Variants in EPHB2 observed in about 807,000 individuals in gnomAD.
EPHB2 encodes ephrin type-B receptor 2.
EPHB2 carries 18 observed loss-of-function variants against 96.4 expected under a neutral mutation model. The observed-to-expected ratio is 0.19, with a 90% CI of 0.13 to 0.28. EPHB2 has a LOEUF of 0.28. Ranked by LOEUF, EPHB2 falls within the 10% of genes least tolerant of loss-of-function variation. EPHB2 has a pLI of 1.00. For missense variants in EPHB2, 989 were observed against 1,355.4 expected (o/e 0.73, Z 4.25); for synonymous variants, 506 against 534.1 (o/e 0.95, Z 0.72).
intron 5 of EPHB2, among the ~76,000 whole-genome samples, chr1:22,882,120 G>A (rs895856079): frequency 6.6e-6 from 1 of 152,160 alleles, no homozygotes; most frequent in Non-Finnish European, 1.5e-5. Flanking sequence ...CCCAGGGCTG[G>A]TGAAGTCGTC....
Position 22,790,317 on chromosome 1 carries a change from C to T in EPHB2, c.811+5241C>T, listed in dbSNP as rs530804980. 1.8e-4 allele frequency among the ~76,000 whole-genome samples: 27 copies of T among 152,242 alleles called. No individual in the cohort carries two copies. Among genetic ancestry groups the T allele is most frequent in the Non-Finnish European group, 3.7e-4 (25 of 68,008 alleles). ...GTTCATTTTTTATCGCATGCCTAATCGGGGTCTACACTGGGCATACAGCTG... is the reference window on the plus strand; with the variant it reads ...GTTCATTTTTTATCGCATGCCTAATTGGGGTCTACACTGGGCATACAGCTG... On this transcript the variant is annotated intron_variant, in intron 3 of 15. Transcript: ENST00000374630. The surrounding 1 kb of genome is among the most constrained non-coding windows in gnomAD (Gnocchi z 4.0).
intron 3 of EPHB2, among the ~76,000 whole-genome samples, chr1:22,799,754 G>A (rs1644815845): frequency 6.6e-6 from 1 of 152,164 alleles, no homozygotes; most frequent in South Asian, 2.1e-4. Context: ...CCTGGGTGAG[G>A]CTTAGGGGCC....
At chr1:22,829,761 G>A (rs1208751963) in intron 3 of EPHB2, among the ~76,000 whole-genome samples, 1 of 152,164 alleles carries the variant, frequency 6.6e-6, no homozygotes, top group East Asian at 1.9e-4. Flanking sequence ...TCCTGGAGGT[G>A]AGGCTGGGTC....
In EPHB2 at chr1:22,860,784, C is replaced by T. The variant is rs910403046; in HGVS notation, c.812-2253C>T. On this transcript the variant is annotated intron_variant, in intron 3 of 15. Transcript: ENST00000374630. The surrounding 1 kb of genome is among the most constrained non-coding windows in gnomAD (Gnocchi z 4.6). ...CCCCCATTCTGCAGAGGAGGAAACC[C>T]GTTCAGAGAGGCCGACTGCTCGACC... is the stretch of plus-strand genomic sequence containing the variant. 2.2e-4 allele frequency among the ~76,000 whole-genome samples: 34 copies of T among 152,270 alleles called. No homozygotes were observed. The highest frequency in any genetic ancestry group is 7.2e-4 in the African/African-American group (30 of 41,546).
In EPHB2 at chr1:22,817,037, C is replaced by T. The variant is rs187551418; in HGVS notation, c.811+31961C>T. Among the ~76,000 whole-genome samples the T allele has an allele frequency of 2.4e-3, 368 of 152,358 alleles. 1 individual carries two copies. The highest frequency in any genetic ancestry group is 8.4e-3 in the African/African-American group (351 of 41,590). On this transcript the variant is annotated intron_variant, in intron 3 of 15. Coordinates refer to ENST00000374630, the MANE Select transcript of EPHB2 (RefSeq NM_017449.5). ...CCGCTGGCTGAGGTGTTAAATGCAT[C>T]GTGCCTTCCTGGTAGACAGGAAGAT...
At chr1:22,753,163 A>C (rs924696737) in intron 1 of EPHB2, among the ~76,000 whole-genome samples, 3 of 152,130 alleles carry the variant, frequency 2.0e-5, no homozygotes, top group Admixed American at 6.5e-5. Context: ...GTGGTATGGA[A>C]GAAAGAGTGT....
At chr1:22,792,240 G>A (rs1187469386) in intron 3 of EPHB2, among the ~76,000 whole-genome samples, 1 of 152,104 alleles carries the variant, frequency 6.6e-6, no homozygotes, top group Non-Finnish European at 1.5e-5. Flanking sequence ...GAGGGAGGCC[G>A]CCAGCTGGCA....
intron 1 of EPHB2, among the ~76,000 whole-genome samples, chr1:22,743,864 G>A (rs1368276528): frequency 1.3e-5 from 2 of 152,212 alleles, no homozygotes. Flanking sequence ...AAATGGTAAT[G>A]TCATCTGCTT....
chr1:22,802,448 G>A (rs1644858252), intron 3 of EPHB2, among the ~76,000 whole-genome samples: 6 of 152,110 alleles, frequency 3.9e-5, no homozygotes, highest in Admixed American at 3.9e-4. Context: ...TGAGAGATGT[G>A]TCTAGAGAAT....
At chr1:22,750,286 T>A (rs1644041944) in intron 1 of EPHB2, among the ~76,000 whole-genome samples, 1 of 152,120 alleles carries the variant, frequency 6.6e-6, no homozygotes, top group African/African-American at 2.4e-5. Flanking sequence ...GTAGAAGGAT[T>A]TTCAGCAGGC....
chr1:22,818,207 G>A lies in EPHB2; in HGVS notation c.811+33131G>A, dbSNP rs1187553496. ...GCTCGATCCATCTGTCTCAAGCTCAGTGTACCTGGCCAGCCCCCCACGACC... is the reference window on the plus strand; with the variant it reads ...GCTCGATCCATCTGTCTCAAGCTCAATGTACCTGGCCAGCCCCCCACGACC... On this transcript the variant is annotated intron_variant, in intron 3 of 15. Transcript: ENST00000374630. Among the ~76,000 whole-genome samples, 4 of 152,204 alleles carry A rather than the reference G, an allele frequency of 2.6e-5. No homozygotes were observed. The East Asian group carries it at 7.7e-4, about 29-fold the overall frequency.
intron 3 of EPHB2, among the ~76,000 whole-genome samples, chr1:22,844,408 G>A (rs1427067538): frequency 1.3e-5 from 2 of 152,232 alleles, no homozygotes; most frequent in African/African-American, 4.8e-5. Context: ...TCTCTGCAGG[G>A]GCAGGGGCTG....
chr1:22,807,081 C>T (rs1011135482), intron 3 of EPHB2, among the ~76,000 whole-genome samples: 4 of 152,218 alleles, frequency 2.6e-5, no homozygotes, highest in South Asian at 2.1e-4. Flanking sequence ...ATGGGTCCCA[C>T]GCTTCGAGGA....
intron 3 of EPHB2, among the ~76,000 whole-genome samples, chr1:22,839,008 C>A (rs748329870): frequency 8.6e-5 from 13 of 151,932 alleles, no homozygotes; most frequent in Non-Finnish European, 1.5e-4. Flanking sequence ...GGTTCAGAAT[C>A]CTAGAGGGTC....
chr1:22,716,121 C>G (rs903880837), intron 1 of EPHB2, among the ~76,000 whole-genome samples: 1 of 152,220 alleles, frequency 6.6e-6, no homozygotes, highest in Non-Finnish European at 1.5e-5. Flanking sequence ...CAGACTCCAT[C>G]CCTGCCTCTT....
chr1:22,818,893 G>A (rs575715440), intron 3 of EPHB2, among the ~76,000 whole-genome samples: 5 of 152,228 alleles, frequency 3.3e-5, no homozygotes, highest in African/African-American at 1.2e-4. Flanking sequence ...ATCTGTTTAT[G>A]TGTCTTTCTC....
At chr1:22,849,945 G>A (rs1645600908) in intron 3 of EPHB2, among the ~76,000 whole-genome samples, 1 of 152,236 alleles carries the variant, frequency 6.6e-6, no homozygotes, top group Non-Finnish European at 1.5e-5. Flanking sequence ...GCATCCCCGG[G>A]GGGTCCGGGG....
intron 3 of EPHB2, among the ~76,000 whole-genome samples, chr1:22,836,320 T>C (rs1645383763): frequency 6.6e-6 from 1 of 152,232 alleles, no homozygotes; most frequent in Non-Finnish European, 1.5e-5. Context: ...GGCACAAAGA[T>C]GAACCAGACA....
chr1:22,872,011 A>T (rs918855396), intron 5 of EPHB2, among the ~76,000 whole-genome samples: 3 of 61,360 alleles, frequency 4.9e-5, no homozygotes, highest in African/African-American at 1.1e-4. Flanking sequence ...GCGAGACTCC[A>T]TCTCAAAGAA....
Sources: allele counts gnomAD v4.1 joint callset (sites outside exome capture counted in the v4.1 genomes callset), GRCh38; gene constraint gnomAD v4.1.1; non-coding constraint Gnocchi (gnomAD v3.1); transcripts MANE v1.5; gene names NCBI Gene and HGNC (gene_info 2026-07-23, HGNC 2026-07-21).